KRTCAP3: variants seen among roughly 807,000 people sequenced by gnomAD.
KRTCAP3 encodes the protein keratinocyte-associated protein 3.
In KRTCAP3, 18 loss-of-function variants were observed where a neutral mutation model predicts 20.5. That is an observed-to-expected ratio of 0.88 (90% CI 0.61 to 1.31). The LOEUF (loss-of-function observed/expected upper bound fraction) is 1.31, where lower values mean the gene tolerates loss of function less well. Ranked by LOEUF, KRTCAP3 falls within the 50% of genes most tolerant of loss-of-function variation. The pLI is 0.00. For missense variants in KRTCAP3, 347 were observed against 310.4 expected (o/e 1.12, Z -0.89); for synonymous variants, 167 against 133.7 (o/e 1.25, Z -1.72).
rs765780689 is a variant in KRTCAP3, at chr2:27,442,834, T to C, written c.214-8T>C. 6.2e-7 allele frequency: 1 copy of C among 1,611,810 alleles called. No homozygotes were observed. Among genetic ancestry groups the C allele is most frequent in the Admixed American group, 1.7e-5 (1 of 60,024 alleles). On this transcript the variant is annotated splice_region_variant and splice_polypyrimidine_tract_variant and intron_variant, in intron 2 of 6. Transcript: ENST00000288873. The stretch of plus-strand genomic sequence containing the variant: ...CCCAGCAGGCCAAAGGCTTTGTGTC[T>C]TCCACAGAGCGTTTCCGTGGGACTT...
downstream of KRTCAP3, chr2:27,445,895 A>G (rs1349143058): frequency 6.2e-7 from 1 of 1,613,866 alleles, no homozygotes; most frequent in East Asian, 2.2e-5. This position sits in a 1 kb window ranked among gnomAD's most constrained non-coding sequence, Gnocchi z 4.4. Context: ...ACTGGCAAAA[A>G]CCTCCACCCT....
At chr2:27,445,427 C>G, downstream of KRTCAP3, 10 of 1,611,522 alleles carry the variant, frequency 6.2e-6, no homozygotes, top group Non-Finnish European at 8.5e-6. This position sits in a 1 kb window ranked among gnomAD's most constrained non-coding sequence, Gnocchi z 4.4. Context: ...CACCCAGTCT[C>G]GAACCTCTTC....
intron 6 of KRTCAP3, 38 bp downstream of exon 6, chr2:27,444,099 G>A (rs1488449446): frequency 1.6e-6 from 2 of 1,223,750 alleles, no homozygotes; most frequent in Non-Finnish European, 2.4e-6. Flanking sequence ...GGTAAGAGCG[G>A]GGACAAGGAA....
In KRTCAP3 at chr2:27,442,916, C is replaced by T. The variant is rs770820119; in HGVS notation, c.273+15C>T. 1.7e-5 allele frequency: 27 copies of T among 1,613,018 alleles called. No homozygotes were observed. In the South Asian group the frequency reaches 3.0e-4, roughly 18 times the overall value. On this transcript the variant is annotated intron_variant, in intron 3 of 6. Transcript: ENST00000288873. Reference sequence around the variant, plus strand: ...GCCCTCCACTGGTGAGAGGGACTTCCCTGGAGCTTTTAACGAGTAGGCTTG... The same window carrying T: ...GCCCTCCACTGGTGAGAGGGACTTCTCTGGAGCTTTTAACGAGTAGGCTTG...
chr2:27,445,100 G>A (rs1021041354), downstream of KRTCAP3: 3 of 1,613,996 alleles, frequency 1.9e-6, no homozygotes, highest in South Asian at 1.1e-5. This position sits in a 1 kb window ranked among gnomAD's most constrained non-coding sequence, Gnocchi z 4.4. Flanking sequence ...CTCAGAATGG[G>A]GTATCCTGTG....
At chr2:27,442,556 C>T (rs1321715700) in intron 1 of KRTCAP3, 23 bp from the exon 2 acceptor site, 3 of 1,531,480 alleles carry the variant, frequency 2.0e-6, no homozygotes, top group South Asian at 1.2e-5. Context: ...CGACTCAACC[C>T]TGCCCTCCCC....
downstream of KRTCAP3, chr2:27,446,026 C>T (rs371445480): frequency 6.2e-7 from 1 of 1,612,468 alleles, no homozygotes; most frequent in African/African-American, 1.3e-5. Context: ...AGTGAACAAG[C>T]TGGGTTTGAA....
Position 27,442,459 on chromosome 2 carries a change from C to A in KRTCAP3, c.28+19C>A, listed in dbSNP as rs777027421. The A allele has an allele frequency of 6.4e-7, 1 of 1,566,282 alleles. No individual in the cohort carries two copies. The highest frequency in any genetic ancestry group is 8.7e-7 in the Non-Finnish European group (1 of 1,155,768). ...GCTTTCGGTAACTTCCGGGCCCTGG[C>A]GTCTCGTCTCCTTACCCTGGGGCTA... On this transcript the variant is annotated intron_variant, in intron 1 of 6. Coordinates refer to ENST00000288873, the MANE Select transcript of KRTCAP3 (RefSeq NM_173853.4).
Position 27,442,402 on chromosome 2 carries a change from C to G in KRTCAP3, c.-11C>G, listed in dbSNP as rs761154683. The G allele has an allele frequency of 4.5e-6, 7 of 1,552,160 alleles. No homozygotes were observed. Among genetic ancestry groups the G allele is most frequent in the Non-Finnish European group, 6.1e-6 (7 of 1,149,574 alleles). On this transcript the variant is annotated 5_prime_UTR_variant, in exon 1 of 7. Transcript: ENST00000288873. ...AGGTACAGCGGCCCTGCGGCTGGCG[C>G]GGCGGACGGGATGAGGCGCTGCAGT...
chr2:27,442,521 G>T, intron 1 of KRTCAP3, 58 bp from the exon 2 acceptor site: 1 of 1,525,858 alleles, frequency 6.6e-7, no homozygotes, highest in East Asian at 2.5e-5. Flanking sequence ...TTAACCCGCC[G>T]CGAGCCGCCT....
At chr2:27,446,179 T>G (rs1163178340), downstream of KRTCAP3, 1 of 1,447,928 alleles carries the variant, frequency 6.9e-7, no homozygotes, top group Non-Finnish European at 9.7e-7. Context: ...TCAGCTTTCC[T>G]CTACCAGAGC....
chr2:27,443,653 C>T (rs890281885), intron 5 of KRTCAP3, 121 bp downstream of exon 5: 13 of 1,053,830 alleles, frequency 1.2e-5, no homozygotes, highest in African/African-American at 1.1e-4. Context: ...CTGAGGCAGG[C>T]GGATCACTTG....
chr2:27,444,179 T>C lies in KRTCAP3; in HGVS notation c.*6-7T>C. 2 of 719,418 alleles carry C rather than the reference T, an allele frequency of 2.8e-6. No homozygotes were observed. The allele number at this position is 719,418 out of a possible 1,614,324, so 44.6% of individuals were successfully genotyped here. The stretch of plus-strand genomic sequence containing the variant: ...TCTGACCTGGGTTGGTTCTCCCCTC[T>C]GTCCAGCAGGTGCTGTTCCGAGACT... On this transcript the variant is annotated splice_region_variant and splice_polypyrimidine_tract_variant and intron_variant, in intron 6 of 6. Transcript: ENST00000288873.
chr2:27,442,991 G>A (rs1432929953), intron 3 of KRTCAP3, 83 bp from the exon 4 acceptor site: 3 of 1,572,548 alleles, frequency 1.9e-6, no homozygotes, highest in African/African-American at 1.3e-5. Context: ...TAGATTGGAG[G>A]AGCCTCAGAG....
At chr2:27,444,587 G>A (rs547218491), downstream of KRTCAP3, 38 of 1,260,378 alleles carry the variant, frequency 3.0e-5, no homozygotes, top group Non-Finnish European at 3.8e-5. Flanking sequence ...CAGCTCCATC[G>A]CAGGCTTCAG....
rs759373614 is a variant in KRTCAP3, at chr2:27,443,491, C to G, written c.574C>G (p.Arg192Gly). 1 of 1,614,052 alleles carries G rather than the reference C, an allele frequency of 6.2e-7. No individual in the cohort carries two copies. The highest frequency in any genetic ancestry group is 1.1e-5 in the South Asian group (1 of 91,080). ...GYCCVAALTLRGVGPCRKDGL... is the reference protein window; with the variant it reads ...GYCCVAALTLGGVGPCRKDGL... ...CTGCTGTGTGGCTGCACTCACTCTA[C>G]GTGGAGTTGGGCCCTGCAGGAAGGA... The change falls in exon 5 of 7, where the codon CGT becomes GGT. Residue 192 changes from arginine to glycine, a missense_variant. Physicochemically the swap from Arg to Gly is moderately radical, Grantham distance 125. Coordinates refer to ENST00000288873, the MANE Select transcript of KRTCAP3 (RefSeq NM_173853.4).
At chr2:27,445,156 G>A (rs1664942409), downstream of KRTCAP3, 3 of 1,605,912 alleles carry the variant, frequency 1.9e-6, no homozygotes, top group African/African-American at 1.3e-5. The surrounding 1 kb of genome is among the most constrained non-coding windows in gnomAD (Gnocchi z 4.4). Flanking sequence ...GATTGAGGAG[G>A]GAAAAATGAG....
chr2:27,445,709 G>A (rs1665014587), downstream of KRTCAP3: 4 of 1,608,126 alleles, frequency 2.5e-6, no homozygotes, highest in African/African-American at 4.0e-5. This position sits in a 1 kb window ranked among gnomAD's most constrained non-coding sequence, Gnocchi z 4.4. Context: ...ACTCACACTG[G>A]TGAGGCCTTC....
intron 5 of KRTCAP3, 64 bp downstream of exon 5, chr2:27,443,596 C>A (rs146997997): frequency 3.2e-6 from 5 of 1,572,092 alleles, no homozygotes; most frequent in Non-Finnish European, 4.4e-6. Context: ...AGATGCTGAC[C>A]GGCCGGGTGC....
Sources: allele counts gnomAD v4.1 joint callset, GRCh38; gene constraint gnomAD v4.1.1; non-coding constraint Gnocchi (gnomAD v3.1); transcripts MANE v1.5; gene names NCBI Gene and HGNC (gene_info 2026-07-23, HGNC 2026-07-21).